CDON: variants seen among roughly 807,000 people sequenced by gnomAD.
The protein encoded by CDON is cell adhesion molecule-related/down-regulated by oncogenes.
A neutral mutation model predicts 120.9 loss-of-function variants in CDON; 73 were observed. The observed-to-expected ratio is 0.60, with a 90% CI of 0.50 to 0.73. The LOEUF (loss-of-function observed/expected upper bound fraction) is 0.73. Ranked by LOEUF, CDON falls within the 30% of genes least tolerant of loss-of-function variation. The pLI is 0.00. For missense variants in CDON, 1,470 were observed against 1,587.3 expected, an observed-to-expected ratio of 0.93 and a Z score of 1.26; for synonymous variants, 566 against 573.5, an observed-to-expected ratio of 0.99 and a Z score of 0.19.
At chr11:126,026,371 G>T (rs1055143475) in intron 1 of CDON, among the ~76,000 whole-genome samples, 2 of 152,182 alleles carry the variant, frequency 1.3e-5, no homozygotes, top group Admixed American at 1.3e-4. Flanking sequence ...CTGGACCTAC[G>T]ACTATAGAAT....
At chr11:125,997,754 A>C (rs1343128784) in intron 11 of CDON, among the ~76,000 whole-genome samples, 1 of 152,074 alleles carries the variant, frequency 6.6e-6, no homozygotes, top group Non-Finnish European at 1.5e-5. Context: ...AAAATTTATA[A>C]TAAATCTTCA....
chr11:126,038,777 C>A (rs574102497), intron 1 of CDON, among the ~76,000 whole-genome samples: 1 of 152,294 alleles, frequency 6.6e-6, no homozygotes, highest in African/African-American at 2.4e-5. Context: ...ACATAAACAT[C>A]TTTCTCTCTT....
At position 125,994,888 on chromosome 11, in the gene CDON, T is replaced by C; in HGVS notation, c.2527A>G (p.Ile843Val). The C allele has an allele frequency of 6.2e-7, 1 of 1,614,054 alleles. No homozygotes were observed. The highest frequency in any genetic ancestry group is 8.5e-7 in the Non-Finnish European group (1 of 1,179,954). ...AYTEAVSDTQ[I>V]MLKWTYIPSS... ...GTACTGACCGTCCACTTTAGCATGA[T>C]CTGAGTATCGCTGACAGCCTCTGTG... Residue 843 changes from isoleucine (I) to valine (V), a missense_variant, in exon 13 of 20, where the codon ATC becomes GTC. Transcript: ENST00000531738.
rs1945548247 is a variant in CDON, at chr11:125,958,561, ATATATGTGTG to A, written c.*2371_*2380del. On this transcript the variant is annotated 3_prime_UTR_variant, in exon 20 of 20. Transcript: ENST00000531738. ...TATAAAGGCAATTATATATATATAT[ATATATGTGTG>A]TGTGTGTGTGTGTGTGTGTGTTTAT... 1.3e-5 allele frequency: 1 copy of A among 77,184 alleles called. No individual in the cohort carries two copies. The highest frequency in any genetic ancestry group is 5.1e-5 in the African/African-American group (1 of 19,714). The allele number at this position is 77,184 out of a possible 1,614,324, so 4.8% of individuals were successfully genotyped here. A position where few individuals can be genotyped will look rare whatever the true frequency, so the allele number is the denominator to read the frequency against.
rs1946715642 is a variant in CDON, at chr11:125,994,334, C to T, written c.2600G>A (p.Arg867Gln). Residue 867 changes from arginine (R) to glutamine (Q), a missense_variant, in exon 14 of 20, where the codon CGA becomes CAA. Transcript: ENST00000531738. ...ACTGTCATTGTCACTATCTGTTGGT[C>T]GGTAATAGATATAAAATCCTTGAAT... ...TPIQGFYIYY[R>Q]PTDSDNDSDY... 8.1e-6 allele frequency: 13 copies of T among 1,603,872 alleles called. No individual in the cohort carries two copies. Among genetic ancestry groups the T allele is most frequent in the Middle Eastern group, 1.7e-4 (1 of 6,044 alleles).
chr11:126,031,516 A>G (rs903012880), intron 1 of CDON, among the ~76,000 whole-genome samples: 7 of 152,178 alleles, frequency 4.6e-5, no homozygotes, highest in African/African-American at 1.7e-4. Flanking sequence ...ACGTAGAAAA[A>G]AGTGAATTGC....
At chr11:126,014,835 G>C (rs1465424147) in intron 7 of CDON, 1 of 160,232 alleles carries the variant, frequency 6.2e-6, no homozygotes, top group Non-Finnish European at 1.4e-5. Context: ...AACAAAAAAA[G>C]GTATTGTTAT....
intron 1 of CDON, among the ~76,000 whole-genome samples, chr11:126,048,254 G>A (rs1392238359): frequency 6.8e-6 from 1 of 147,878 alleles, no homozygotes; most frequent in Non-Finnish European, 1.5e-5. Flanking sequence ...CTGCACTCCA[G>A]CCTGTGCAAC....
chr11:125,997,387 T>C lies in CDON; in HGVS notation c.2182A>G (p.Thr728Ala). 1.9e-6 allele frequency: 3 copies of C among 1,613,446 alleles called. No homozygotes were observed. Among genetic ancestry groups the C allele is most frequent in the Non-Finnish European group, 2.5e-6 (3 of 1,179,616 alleles). The change falls in exon 12 of 20, where the codon ACC becomes GCC. Residue 728 changes from threonine to alanine, a missense_variant. Physicochemically the swap from Thr to Ala is moderately conservative, Grantham distance 58 (BLOSUM62 0). Transcript: ENST00000531738. ...SGVPEAPDRP[T>A]ISTASETSVY... ...GATGTCTCTGATGCAGTGGAGATGG[T>C]AGGCCGATCTGGTGCCTCTGGAACT...
At chr11:126,062,132 G>A (rs543222955) in intron 1 of CDON, among the ~76,000 whole-genome samples, 1 of 152,300 alleles carries the variant, frequency 6.6e-6, no homozygotes, top group Admixed American at 6.5e-5. Flanking sequence ...GGCAGAGAAA[G>A]ATACATTGTG....
intron 14 of CDON, among the ~76,000 whole-genome samples, chr11:125,990,563 T>C (rs1033414685): frequency 9.2e-5 from 14 of 152,204 alleles, no homozygotes; most frequent in African/African-American, 3.1e-4. Context: ...CAAGCACCCT[T>C]AATCCCTTGT....
chr11:125,957,596 C>T lies in CDON; in HGVS notation c.*3346G>A, dbSNP rs182961107. On this transcript the variant is annotated 3_prime_UTR_variant, in exon 20 of 20. Transcript: ENST00000531738. ...ACATACTTTTCAATATGATACAAAG[C>T]ATGCATCTCAAAGTCATTACTTTAA... 1.3e-5 allele frequency: 2 copies of T among 152,310 alleles called. No individual in the cohort carries two copies. Among genetic ancestry groups the T allele is most frequent in the Middle Eastern group, 3.4e-3 (1 of 294 alleles). 9.4% of individuals were successfully genotyped at this position (152,310 alleles called of 1,614,324 possible). A position where few individuals can be genotyped will look rare whatever the true frequency, so the allele number is the denominator to read the frequency against.
chr11:126,053,474 G>C (rs193002622), intron 1 of CDON, among the ~76,000 whole-genome samples: 1 of 152,134 alleles, frequency 6.6e-6, no homozygotes, highest in Admixed American at 6.5e-5. Context: ...GGATGAAATG[G>C]GAAGGAGGAA....
chr11:126,058,796 T>C (rs1948732729), intron 1 of CDON, among the ~76,000 whole-genome samples: 1 of 152,158 alleles, frequency 6.6e-6, no homozygotes, highest in South Asian at 2.1e-4. Flanking sequence ...GCCCAAACAT[T>C]ATTTGAGGCA....
At chr11:125,963,885 G>T (rs748884073) in intron 18 of CDON, among the ~76,000 whole-genome samples, 31 of 152,174 alleles carry the variant, frequency 2.0e-4, no homozygotes, top group Non-Finnish European at 2.9e-5. Flanking sequence ...AGAAAGCTCT[G>T]GTGCAGAAGG....
At chr11:126,003,839 T>C (rs1406858080) in intron 10 of CDON, 63 bp downstream of exon 10, 1 of 1,391,992 alleles carries the variant, frequency 7.2e-7, no homozygotes, top group African/African-American at 1.4e-5. Flanking sequence ...AAATTAATAA[T>C]TCTCACTAAT....
intron 18 of CDON, among the ~76,000 whole-genome samples, chr11:125,971,687 G>A (rs561664764): frequency 1.3e-5 from 2 of 151,860 alleles, no homozygotes; most frequent in Admixed American, 1.3e-4. Context: ...GCTGATTTTC[G>A]CTGGGAGACT....
At chr11:126,015,045 T>A (rs1565529574) in intron 7 of CDON, 196 bp downstream of exon 7, 4 of 620,808 alleles carry the variant, frequency 6.4e-6, no homozygotes, top group East Asian at 5.6e-5. Context: ...AAACTTTTTT[T>A]AATGAGCTTG....
intron 7 of CDON, among the ~76,000 whole-genome samples, chr11:126,011,614 G>C (rs569232126): frequency 2.9e-4 from 44 of 151,994 alleles, no homozygotes; most frequent in Non-Finnish European, 5.7e-4. Flanking sequence ...GTATATACTA[G>C]ATTCTGTTCT....
Sources: allele counts gnomAD v4.1 joint callset (sites outside exome capture counted in the v4.1 genomes callset), GRCh38; gene constraint gnomAD v4.1.1; transcripts MANE v1.5; gene names NCBI Gene and HGNC (gene_info 2026-07-23, HGNC 2026-07-21).